The following ST14 variants were observed in gnomAD, a reference collection of about 807,000 sequenced individuals.
ST14 encodes the protein suppressor of tumorigenicity 14 protein.
ST14 carries 40 observed loss-of-function variants against 96.5 expected under a neutral mutation model. The ratio of observed to expected loss-of-function variants is 0.41; its 90% CI spans 0.32 to 0.54. The LOEUF is 0.54. Ranked by LOEUF, ST14 falls within the 20% of genes least tolerant of loss-of-function variation. The pLI is 0.17. For missense variants in ST14, 1,066 were observed against 1,188.9 expected, an observed-to-expected ratio of 0.90 and a Z score of 1.52; for synonymous variants, 506 against 492.1, an observed-to-expected ratio of 1.03 and a Z score of -0.37.
chr11:130,190,197 T>C, intron 6 of ST14, 49 bp downstream of exon 6: 1 of 1,612,814 alleles, frequency 6.2e-7, no homozygotes, highest in Non-Finnish European at 8.5e-7. Flanking sequence ...AGGCGGGATG[T>C]GGCCAGATGC....
chr11:130,161,137 T>C (rs1952995789), intron 1 of ST14, among the ~76,000 whole-genome samples: 1 of 152,094 alleles, frequency 6.6e-6, no homozygotes, highest in African/African-American at 2.4e-5. Context: ...TTGCAGAAAA[T>C]CAGACGCTGG....
chr11:130,169,057 T>C (rs1953065215), intron 1 of ST14, among the ~76,000 whole-genome samples: 1 of 149,958 alleles, frequency 6.7e-6, no homozygotes, highest in Non-Finnish European at 1.5e-5. Context: ...AACAGTCCCA[T>C]ACATACCATA....
In ST14 at chr11:130,189,777, G is replaced by C; in HGVS notation, c.479G>C (p.Ser160Thr). Reference protein sequence around the residue: ...SVIAYYWSEFSIPQHLVEEAE... With the variant: ...SVIAYYWSEFTIPQHLVEEAE... ...ATCGCCTACTACTGGTCTGAGTTCA[G>C]CATCCCGCAGCACCTGGTGGAGGAG... Residue 160 changes from serine to threonine, a missense_variant, in exon 5 of 19, where the codon AGC becomes ACC. Transcript: ENST00000278742. 6.2e-7 allele frequency: 1 copy of C among 1,613,546 alleles called. No homozygotes were observed.
intron 9 of ST14, among the ~76,000 whole-genome samples, chr11:130,195,690 T>C (rs1591891118): frequency 6.6e-6 from 1 of 151,962 alleles, no homozygotes; most frequent in East Asian, 1.9e-4. Flanking sequence ...CTGTCTCTAC[T>C]AAAAATACAA....
Position 130,181,693 on chromosome 11 carries a change from T to C in ST14, c.82-6421T>C, listed in dbSNP as rs1011564134. 4.1e-5 allele frequency among the ~76,000 whole-genome samples: 6 copies of C among 146,798 alleles called. No individual in the cohort carries two copies. The highest frequency in any genetic ancestry group is 9.1e-5 in the Non-Finnish European group (6 of 66,280). ...AAAAGAGCTTTGCTGCTTCACTGAC[T>C]TTATTAACTTTGTGACCTTGGACAG... On this transcript the variant is annotated intron_variant, in intron 1 of 18. Transcript: ENST00000278742. This position sits in a 1 kb window ranked among gnomAD's most constrained non-coding sequence, Gnocchi z 4.1.
Position 130,199,030 on chromosome 11 carries a change from AAGG to A in ST14, c.1773_1775del (p.Glu591del), listed in dbSNP as rs778625470. On this transcript the variant is annotated inframe_deletion, in exon 15 of 19. Coordinates refer to ENST00000278742, the MANE Select transcript of ST14 (RefSeq NM_021978.4). ...CAAGGGCAACCCTGAGTGTGACGGGAAGGAGGACTGTAGCGACGGCTCAGATGA... is the reference window on the plus strand; with the variant it reads ...CAAGGGCAACCCTGAGTGTGACGGGAAGGACTGTAGCGACGGCTCAGATGA... 1.9e-6 allele frequency: 3 copies of A among 1,613,978 alleles called. No individual in the cohort carries two copies. The highest frequency in any genetic ancestry group is 1.7e-6 in the Non-Finnish European group (2 of 1,179,954).
At chr11:130,160,559 C>A (rs1591873412) in intron 1 of ST14, among the ~76,000 whole-genome samples, 3 of 152,078 alleles carry the variant, frequency 2.0e-5, no homozygotes, top group Non-Finnish European at 4.4e-5. Flanking sequence ...GCTTTGGCTG[C>A]CATACGGGCT....
Position 130,208,484 on chromosome 11 carries a change from A to T in ST14, c.2069A>T (p.Gln690Leu). Residue 690 changes from glutamine (Q) to leucine (L), a missense_variant, in exon 17 of 19, where the codon CAG (glutamine) becomes CTG (leucine). Physicochemically the swap from Gln to Leu is moderately radical, Grantham distance 113. Coordinates refer to ENST00000278742, the MANE Select transcript of ST14 (RefSeq NM_021978.4). Reference protein sequence around the residue: ...DQSQRSAPGVQERRLKRIISH... With the variant: ...DQSQRSAPGVLERRLKRIISH... ...AGCCAGCGCAGCGCCCCTGGGGTGC[A>T]GGAGCGCAGGCTCAAGCGCATCATC... 1 of 1,614,218 alleles carries T rather than the reference A, an allele frequency of 6.2e-7. No individual in the cohort carries two copies. The highest frequency in any genetic ancestry group is 1.1e-5 in the South Asian group (1 of 91,086).
At chr11:130,196,135 G>C (rs1370122895) in intron 9 of ST14, among the ~76,000 whole-genome samples, 4 of 152,126 alleles carry the variant, frequency 2.6e-5, no homozygotes, top group Non-Finnish European at 5.9e-5. Context: ...ACTCCAGCCT[G>C]GGCGACAGAG....
intron 1 of ST14, among the ~76,000 whole-genome samples, chr11:130,179,777 C>T (rs1166762129): frequency 6.6e-6 from 1 of 152,196 alleles, no homozygotes; most frequent in African/African-American, 2.4e-5. Context: ...TTGTTCTTGG[C>T]AGTCATTCCC....
rs937035499 is a variant in ST14 at position 130,190,669 on chromosome 11, C to T, written c.850C>T (p.Pro284Ser). ...GGTGACGGTGTACAACACCCTGAGC[C>T]CCATGGAGCCCCACGCCCTGGTGCA... ...DLVTVYNTLS[P>S]MEPHALVQLC... Residue 284 changes from proline to serine, a missense_variant, in exon 7 of 19, where the codon CCC (proline) becomes TCC (serine). Coordinates refer to ENST00000278742, the MANE Select transcript of ST14 (RefSeq NM_021978.4). 2 of 1,595,914 alleles carry T rather than the reference C, an allele frequency of 1.3e-6. No individual in the cohort carries two copies. The highest frequency in any genetic ancestry group is 8.5e-7 in the Non-Finnish European group (1 of 1,172,154).
chr11:130,176,091 C>G (rs554589854), intron 1 of ST14, among the ~76,000 whole-genome samples: 14 of 151,694 alleles, frequency 9.2e-5, no homozygotes, highest in African/African-American at 2.9e-4. Flanking sequence ...CTGCATTCTC[C>G]CACAGATGTA....
intron 16 of ST14, among the ~76,000 whole-genome samples, chr11:130,203,183 G>A (rs1591895743): frequency 6.6e-6 from 1 of 152,144 alleles, no homozygotes; most frequent in Non-Finnish European, 1.5e-5. Flanking sequence ...CAGGCACAGG[G>A]CAAAGAGCTG....
intron 1 of ST14, among the ~76,000 whole-genome samples, chr11:130,160,579 A>AACTCCAG (rs1412131351): frequency 2.0e-5 from 3 of 152,030 alleles, no homozygotes; most frequent in African/African-American, 4.8e-5. Flanking sequence ...TGGAGCTAAG[A>AACTCCAG]ACTCCAGAGT....
At chr11:130,189,545 G>A (rs1953271992) in intron 4 of ST14, 194 bp from the exon 5 acceptor site, 1 of 674,914 alleles carries the variant, frequency 1.5e-6, no homozygotes, top group Non-Finnish European at 2.5e-6. Flanking sequence ...GAGACTGTGA[G>A]AGCAGAGGGC....
chr11:130,198,495 G>C lies in ST14; in HGVS notation c.1571-13G>C. ...CGGTGGCTCCTGGTGGCTGAGTCCTGGTGCCTCTCCAGGTTGTCCGGCCCA... is the reference window on the plus strand; with the variant it reads ...CGGTGGCTCCTGGTGGCTGAGTCCTCGTGCCTCTCCAGGTTGTCCGGCCCA... On this transcript the variant is annotated splice_polypyrimidine_tract_variant and intron_variant, in intron 13 of 18. Transcript: ENST00000278742. The C allele has an allele frequency of 1.2e-6, 2 of 1,613,794 alleles. No individual in the cohort carries two copies. The highest frequency in any genetic ancestry group is 1.7e-6 in the Non-Finnish European group (2 of 1,179,826).
rs539250771 is a variant in ST14 at position 130,189,615 on chromosome 11, A to G, written c.441-124A>G. The stretch of plus-strand genomic sequence containing the variant: ...GGGATGACACAAGAGGAGCTGGGGA[A>G]GGGCCTCTGCAGATGGCAGGCCCAG... On this transcript the variant is annotated intron_variant, in intron 4 of 18. Coordinates refer to ENST00000278742, the MANE Select transcript of ST14 (RefSeq NM_021978.4). The G allele has an allele frequency of 8.0e-6, 10 of 1,253,030 alleles. No individual in the cohort carries two copies. The East Asian group carries it at 2.4e-4, about 30-fold the overall frequency. 77.6% of individuals were successfully genotyped at this position (1,253,030 alleles called of 1,614,324 possible).
At chr11:130,183,687 A>G (rs113139613) in intron 1 of ST14, among the ~76,000 whole-genome samples, 1 of 152,336 alleles carries the variant, frequency 6.6e-6, no homozygotes, top group East Asian at 1.9e-4. Flanking sequence ...AGTATTTTAC[A>G]TCTTTCAGTG....
At position 130,184,111 on chromosome 11, in the gene ST14, A is replaced by G. The variant is rs1190770314; in HGVS notation, c.82-4003A>G. Among the ~76,000 whole-genome samples the G allele has an allele frequency of 2.6e-5, 4 of 152,362 alleles. No individual in the cohort carries two copies. In the East Asian group the frequency reaches 5.8e-4, roughly 22 times the overall value. On this transcript the variant is annotated intron_variant, in intron 1 of 18. Transcript: ENST00000278742. ...AGCAGATGAGTGGTTTCTTGGGGACAGGAAATGGATTCAGGGAGGAACATG... is the reference window on the plus strand; with the variant it reads ...AGCAGATGAGTGGTTTCTTGGGGACGGGAAATGGATTCAGGGAGGAACATG...
Sources: allele counts gnomAD v4.1 joint callset (sites outside exome capture counted in the v4.1 genomes callset), GRCh38; gene constraint gnomAD v4.1.1; non-coding constraint Gnocchi (gnomAD v3.1); transcripts MANE v1.5; gene names NCBI Gene and HGNC (gene_info 2026-07-23, HGNC 2026-07-21).